MYH4: variants seen among roughly 807,000 people sequenced by gnomAD.
The protein encoded by MYH4 is myosin-4.
Under a neutral mutation model 229.9 loss-of-function variants are expected in MYH4, and 200 were observed. The ratio of observed to expected loss-of-function variants is 0.87; its 90% CI spans 0.78 to 0.98. MYH4 has a LOEUF of 0.98. MYH4 is among the 50% of genes least tolerant of loss of function. The pLI is 0.00. For synonymous variants in MYH4, 761 were observed against 834.6 expected (o/e 0.91, Z 1.52); for missense variants, 2,148 against 2,332.6 (o/e 0.92, Z 1.63).
chr17:10,459,262 G>A lies in MYH4; in HGVS notation c.1576C>T (p.Leu526Phe). 1.2e-6 allele frequency: 2 copies of A among 1,614,020 alleles called. No individual in the cohort carries two copies. ...FGMDLAACIELIEKPMGIFSI... is the reference protein window; with the variant it reads ...FGMDLAACIEFIEKPMGIFSI... ...AAAGTCATATGAACCTTCTCGATGA[G>A]CTCGATGCAGGCAGCCAGGTCCATC... The change falls in exon 15 of 40, where the codon CTC (leucine) becomes TTC (phenylalanine). Residue 526 changes from leucine to phenylalanine, a missense_variant. By Grantham distance (22) the Leu-to-Phe change is conservative (BLOSUM62 0). Transcript: ENST00000255381.
rs779837064 is a variant in MYH4 at position 10,459,431 on chromosome 17, A to G, written c.1417-10T>C. On this transcript the variant is annotated splice_polypyrimidine_tract_variant and intron_variant, in intron 14 of 39. Transcript: ENST00000255381. ...GCTCCAGGCTGTTGAACTACAGAACAAGATAAATATAGGAAATTACGCATA... is the reference window on the plus strand; with the variant it reads ...GCTCCAGGCTGTTGAACTACAGAACGAGATAAATATAGGAAATTACGCATA... The G allele has an allele frequency of 6.2e-7, 1 of 1,614,202 alleles. No individual in the cohort carries two copies. Among genetic ancestry groups the G allele is most frequent in the Non-Finnish European group, 8.5e-7 (1 of 1,180,024 alleles).
intron 12 of MYH4, 103 bp from the exon 13 acceptor site, chr17:10,460,424 G>T: frequency 1.1e-6 from 1 of 923,438 alleles, no homozygotes; most frequent in African/African-American, 1.7e-5. Flanking sequence ...AAAGTAAGAT[G>T]TGCAAATGTC....
chr17:10,457,385 G>A, intron 16 of MYH4, 35 bp downstream of exon 16: 1 of 1,546,480 alleles, frequency 6.5e-7, no homozygotes, highest in Non-Finnish European at 8.7e-7. Flanking sequence ...TCTATTTTGT[G>A]ACTCTTGTAA....
intron 22 of MYH4, among the ~76,000 whole-genome samples, 193 bp from the exon 23 acceptor site, chr17:10,454,078 G>C (rs1295000691): frequency 6.6e-6 from 1 of 152,212 alleles, no homozygotes; most frequent in Non-Finnish European, 1.5e-5. Flanking sequence ...ATTTCCTTCA[G>C]ATATTCATGT....
At position 10,448,995 on chromosome 17, in the gene MYH4, T is replaced by G; in HGVS notation, c.4234A>C (p.Asn1412His). 5.6e-6 allele frequency: 9 copies of G among 1,614,134 alleles called. No individual in the cohort carries two copies. The highest frequency in any genetic ancestry group is 7.6e-6 in the Non-Finnish European group (9 of 1,180,012). Residue 1412 changes from asparagine (N) to histidine (H), a missense_variant, in exon 31 of 40, where the codon AAT (asparagine) becomes CAT (histidine). Coordinates refer to ENST00000255381, the MANE Select transcript of MYH4 (RefSeq NM_017533.2). Reference sequence around the variant, plus strand: ...TTTTCAAGAGAAGCACATTTGGAATTCACAGCTTCTACATGTTCTTCTGCA... The same window carrying G: ...TTTTCAAGAGAAGCACATTTGGAATGCACAGCTTCTACATGTTCTTCTGCA... Reference protein sequence around the residue: ...QDAEEHVEAVNSKCASLEKTK... With the variant: ...QDAEEHVEAVHSKCASLEKTK...
chr17:10,463,521 C>A (rs775546030), intron 8 of MYH4, 30 bp downstream of exon 8: 5 of 1,593,960 alleles, frequency 3.1e-6, no homozygotes, highest in South Asian at 1.1e-5. Flanking sequence ...CAGTGCTGAT[C>A]CTCAAGAAAA....
intron 34 of MYH4, 21 bp from the exon 35 acceptor site, chr17:10,447,237 C>G (rs752690029): frequency 1.9e-6 from 3 of 1,606,138 alleles, no homozygotes; most frequent in Non-Finnish European, 2.6e-6. Flanking sequence ...AGAGAAAAAG[C>G]CTCTTACTCA....
intron 27 of MYH4, 142 bp downstream of exon 27, chr17:10,451,799 T>G (rs2072576425): frequency 9.4e-7 from 1 of 1,068,626 alleles, no homozygotes; most frequent in Non-Finnish European, 1.3e-6. Flanking sequence ...AGTGATTCAA[T>G]ACAATAATGT....
rs1597423618 is a variant in MYH4, at chr17:10,463,355, G to A, written c.788C>T (p.Ser263Phe). 3.1e-6 allele frequency: 5 copies of A among 1,612,174 alleles called. No individual in the cohort carries two copies. The East Asian group carries it at 1.1e-4, about 36-fold the overall frequency. Residue 263 changes from serine to phenylalanine, a missense_variant, in exon 9 of 40, where the codon TCT becomes TTT. Physicochemically the swap from Ser to Phe is radical, Grantham distance 155. Coordinates refer to ENST00000255381, the MANE Select transcript of MYH4 (RefSeq NM_017533.2). ...IHFGATGKLA[S>F]ADIETYLLEK... is the part of the protein sequence containing the mutation. ...TAACTTACATGTTTCAATATCTGCAGAAGCCAGTTTGCCTGTGGCACCAAA... is the reference window on the plus strand; with the variant it reads ...TAACTTACATGTTTCAATATCTGCAAAAGCCAGTTTGCCTGTGGCACCAAA...
rs2142216443 is a variant in MYH4, at chr17:10,452,174, T to G, written c.3505A>C (p.Lys1169Gln). 2 of 1,613,974 alleles carry G rather than the reference T, an allele frequency of 1.2e-6. No individual in the cohort carries two copies. Among genetic ancestry groups the G allele is most frequent in the East Asian group, 2.2e-5 (1 of 44,868 alleles). Reference protein sequence around the residue: ...GATSAQIEMNKKREAEFQKMR... With the variant: ...GATSAQIEMNQKREAEFQKMR... ...TTCTGGAACTCAGCCTCCCGCTTCTTGTTCATCTCAATCTGGGCTGAAGTG... is the reference window on the plus strand; with the variant it reads ...TTCTGGAACTCAGCCTCCCGCTTCTGGTTCATCTCAATCTGGGCTGAAGTG... The change falls in exon 27 of 40, where the codon AAG (lysine) becomes CAG (glutamine). Residue 1169 changes from lysine to glutamine, a missense_variant. By Grantham distance (53) the Lys-to-Gln change is moderately conservative. Transcript: ENST00000255381.
intron 12 of MYH4, 105 bp from the exon 13 acceptor site, chr17:10,460,426 G>T: frequency 1.1e-6 from 1 of 909,680 alleles, no homozygotes; most frequent in Non-Finnish European, 1.7e-6. Flanking sequence ...AGTAAGATGT[G>T]CAAATGTCAT....
Position 10,455,847 on chromosome 17 carries a change from G to T in MYH4, c.2023C>A (p.Arg675=), listed in dbSNP as rs767615835. The T allele has an allele frequency of 6.2e-7, 1 of 1,614,162 alleles. No homozygotes were observed. The highest frequency in any genetic ancestry group is 2.2e-5 in the East Asian group (1 of 44,890). The part of the protein sequence containing the change: ...NLRSTHPHFV[R]CIIPNETKTP... ...TTAGTTTCATTGGGGATGATGCACCGCACAAAGTGGGGGTGAGTGCTCCTC... is the reference window on the plus strand; with the variant it reads ...TTAGTTTCATTGGGGATGATGCACCTCACAAAGTGGGGGTGAGTGCTCCTC... The change falls in exon 18 of 40, where the codon CGG becomes AGG. Residue 675 remains arginine, a synonymous_variant. Transcript: ENST00000255381.
At chr17:10,446,027 CAAAAAAAA>C (rs35896304) in intron 35 of MYH4, among the ~76,000 whole-genome samples, 1 of 68,548 alleles carries the variant, frequency 1.5e-5, no homozygotes, top group African/African-American at 6.0e-5. Flanking sequence ...GACCCCTTCT[CAAAAAAAA>C]AAAAAAAAAA....
At chr17:10,449,694 C>T (rs915701931) in intron 30 of MYH4, among the ~76,000 whole-genome samples, 2 of 152,096 alleles carry the variant, frequency 1.3e-5, no homozygotes, top group Non-Finnish European at 2.9e-5. Flanking sequence ...ATTTGGTGGC[C>T]TTTGATAATA....
At position 10,455,190 on chromosome 17, in the gene MYH4, G is replaced by A; in HGVS notation, c.2280C>T (p.Tyr760=). The A allele has an allele frequency of 1.9e-6, 3 of 1,614,090 alleles. No individual in the cohort carries two copies. Among genetic ancestry groups the A allele is most frequent in the East Asian group, 4.5e-5 (2 of 44,896 alleles). Residue 760 remains tyrosine, a synonymous_variant, in exon 20 of 40, where the codon TAC becomes TAT. Transcript: ENST00000255381. ...GTGATACCTTGGTATGACCGAATTTGTACTGGGTGTGGTCAATTTCAATAG... is the reference window on the plus strand; with the variant it reads ...GTGATACCTTGGTATGACCGAATTTATACTGGGTGTGGTCAATTTCAATAG... ...LGSIEIDHTQ[Y]KFGHTKVFFK...
At chr17:10,451,513 T>C (rs2072573342) in intron 27 of MYH4, 61 bp from the exon 28 acceptor site, 2 of 1,548,398 alleles carry the variant, frequency 1.3e-6, no homozygotes, top group Non-Finnish European at 8.8e-7. Flanking sequence ...GGCTGGGATT[T>C]AGAGATCTGT....
intron 4 of MYH4, 79 bp downstream of exon 4, chr17:10,466,194 A>G: frequency 6.5e-7 from 1 of 1,531,794 alleles, no homozygotes; most frequent in Non-Finnish European, 8.9e-7. Context: ...AGCCAAATGT[A>G]TTGAAACCCC....
intron 1 of MYH4, 96 bp downstream of exon 1, chr17:10,469,441 A>G (rs999313808): frequency 6.6e-6 from 1 of 152,232 alleles, no homozygotes; most frequent in Non-Finnish European, 1.5e-5. Flanking sequence ...AATGTTGGAA[A>G]GAATAATTAA....
rs1403299537 is a variant in MYH4, at chr17:10,453,210, T to A, written c.3053A>T (p.Glu1018Val). Residue 1018 changes from glutamate (E) to valine (V), a missense_variant, in exon 24 of 40, where the codon GAG (glutamate) becomes GTG (valine). By Grantham distance (121) the Glu-to-Val change is moderately radical. Coordinates refer to ENST00000255381, the MANE Select transcript of MYH4 (RefSeq NM_017533.2). ...QQTLDDLQME[E>V]DKVNTLTKAK... ...TTTGGTCAGGGTGTTGACTTTGTCC[T>A]CCTCCATCTGCAGGTCATCCAGGGT... The A allele has an allele frequency of 1.9e-6, 3 of 1,613,976 alleles. No homozygotes were observed. In the African/African-American group the frequency reaches 4.0e-5, roughly 22 times the overall value.
Sources: allele counts gnomAD v4.1 joint callset (sites outside exome capture counted in the v4.1 genomes callset), GRCh38; gene constraint gnomAD v4.1.1; transcripts MANE v1.5; gene names NCBI Gene and HGNC (gene_info 2026-07-23, HGNC 2026-07-21).